Variants in PLCB1 observed in about 807,000 individuals in gnomAD.
PLCB1 encodes the protein 1-phosphatidylinositol 4,5-bisphosphate phosphodiesterase beta-1.
A neutral mutation model predicts 161.8 loss-of-function variants in PLCB1; 46 were observed. The ratio of observed to expected loss-of-function variants is 0.28; its 90% CI spans 0.22 to 0.36. PLCB1 has a LOEUF of 0.36. PLCB1 is among the 10% of genes least tolerant of loss of function. The pLI, the probability that PLCB1 is intolerant of heterozygous loss-of-function variation, is 1.00. For missense variants in PLCB1, 1,016 were observed against 1,472.5 expected (o/e 0.69, Z 5.07); for synonymous variants, 517 against 503.7 (o/e 1.03, Z -0.35).
At chr20:8,348,985 T>C (rs893689541) in intron 2 of PLCB1, among the ~76,000 whole-genome samples, 3 of 152,144 alleles carry the variant, frequency 2.0e-5, no homozygotes, top group Non-Finnish European at 2.9e-5. Context: ...GGTATATGCA[T>C]ATATTTGTAT....
chr20:8,321,787 T>C (rs146698966), intron 2 of PLCB1, among the ~76,000 whole-genome samples: 44 of 152,268 alleles, frequency 2.9e-4, no homozygotes, highest in Non-Finnish European at 6.0e-4. Context: ...CTCCCCCGCA[T>C]TGGGTTCTGG....
intron 2 of PLCB1, among the ~76,000 whole-genome samples, chr20:8,211,612 A>G (rs1346730292): frequency 2.0e-5 from 3 of 152,152 alleles, no homozygotes; most frequent in Non-Finnish European, 4.4e-5. Context: ...AGGATGCAGA[A>G]TGATGGATAT....
At chr20:8,164,695 C>T (rs897468078) in intron 2 of PLCB1, among the ~76,000 whole-genome samples, 1 of 152,168 alleles carries the variant, frequency 6.6e-6, no homozygotes, top group African/African-American at 2.4e-5. Context: ...AATATCTGGA[C>T]TCACTTTTGT....
At chr20:8,876,939 A>C (rs946790945) in intron 31 of PLCB1, among the ~76,000 whole-genome samples, 1 of 152,146 alleles carries the variant, frequency 6.6e-6, no homozygotes, top group Non-Finnish European at 1.5e-5. Context: ...AGACAGAACC[A>C]AATAACAAGG....
intron 2 of PLCB1, among the ~76,000 whole-genome samples, chr20:8,257,309 T>C (rs1981477767): frequency 6.6e-6 from 1 of 152,114 alleles, no homozygotes; most frequent in Non-Finnish European, 1.5e-5. Context: ...CTGTTTCTTA[T>C]TGAACAAATT....
chr20:8,315,428 A>G (rs115747741), intron 2 of PLCB1, among the ~76,000 whole-genome samples: 2,855 of 152,288 alleles, frequency 0.019, 98 homozygotes, highest in African/African-American at 0.066. Flanking sequence ...TGTTAACCCT[A>G]GTTAAGCTGA....
chr20:8,217,216 C>T lies in PLCB1; in HGVS notation c.177+66845C>T, dbSNP rs998591687. On this transcript the variant is annotated intron_variant, in intron 2 of 31. Transcript: ENST00000338037. ...AGTGTGTTACAGTTCTGAGTAAAGACCCCATTAAATATGAAGATTCTAGGG... is the reference window on the plus strand; with the variant it reads ...AGTGTGTTACAGTTCTGAGTAAAGATCCCATTAAATATGAAGATTCTAGGG... 5.9e-5 allele frequency among the ~76,000 whole-genome samples: 9 copies of T among 152,188 alleles called. 1 individual carries two copies. The South Asian group carries it at 8.3e-4, about 14-fold the overall frequency.
At chr20:8,620,631 T>A (rs566330023) in intron 3 of PLCB1, among the ~76,000 whole-genome samples, 1 of 151,466 alleles carries the variant, frequency 6.6e-6, no homozygotes, top group Non-Finnish European at 1.5e-5. Context: ...TCCCAGCTAT[T>A]TGGGGGCTGA....
intron 31 of PLCB1, among the ~76,000 whole-genome samples, chr20:8,809,608 C>G (rs1292878048): frequency 6.6e-6 from 1 of 152,134 alleles, no homozygotes. Context: ...CAAACCTTAC[C>G]CTCTTTCATG....
At chr20:8,359,723 T>G (rs1457090514) in intron 2 of PLCB1, among the ~76,000 whole-genome samples, 1 of 152,188 alleles carries the variant, frequency 6.6e-6, no homozygotes, top group Non-Finnish European at 1.5e-5. Context: ...TGGCGTATTG[T>G]GACTGAGAAC....
chr20:8,644,725 T>A (rs80244564), intron 4 of PLCB1, among the ~76,000 whole-genome samples: 2 of 149,550 alleles, frequency 1.3e-5, no homozygotes, highest in Admixed American at 6.6e-5. Flanking sequence ...CCCCCCGCCC[T>A]GCCAGCCGCC....
intron 31 of PLCB1, among the ~76,000 whole-genome samples, chr20:8,861,834 CAATTT>C (rs916660272): frequency 4.0e-5 from 6 of 148,598 alleles, no homozygotes; most frequent in African/African-American, 1.0e-4. Context: ...CTGATGGAAA[CAATTT>C]AATTAACTTG....
intron 2 of PLCB1, among the ~76,000 whole-genome samples, chr20:8,161,040 G>C (rs73080222): frequency 0.057 from 8,627 of 151,962 alleles, 292 homozygotes; most frequent in South Asian, 0.12. Flanking sequence ...TTTTATCGTT[G>C]TTATCATTAT....
chr20:8,686,937 A>G (rs539747763), intron 10 of PLCB1, among the ~76,000 whole-genome samples: 11 of 152,314 alleles, frequency 7.2e-5, no homozygotes, highest in African/African-American at 2.4e-4. Flanking sequence ...GTTTCAGTGA[A>G]CAAAGGAAGA....
intron 2 of PLCB1, among the ~76,000 whole-genome samples, chr20:8,226,644 T>A (rs1979701037): frequency 2.0e-5 from 3 of 152,052 alleles, no homozygotes; most frequent in Admixed American, 6.6e-5. Context: ...TGTGAAATAG[T>A]CTAGTTGCCA....
At chr20:8,866,922 C>T (rs372651471) in intron 31 of PLCB1, among the ~76,000 whole-genome samples, 6 of 152,262 alleles carry the variant, frequency 3.9e-5, no homozygotes, top group African/African-American at 9.6e-5. Context: ...GAAGGAGGGA[C>T]TATGTAATTA....
At chr20:8,789,636 C>G in intron 30 of PLCB1, 61 bp downstream of exon 30, 1 of 1,183,150 alleles carries the variant, frequency 8.5e-7, no homozygotes, top group East Asian at 2.3e-5. Flanking sequence ...GGTGAGCTCG[C>G]TGTGAGCTTC....
chr20:8,556,741 C>A (rs1292243868), intron 3 of PLCB1, among the ~76,000 whole-genome samples: 1 of 150,504 alleles, frequency 6.6e-6, no homozygotes, highest in East Asian at 2.0e-4. Context: ...AAACCACTAG[C>A]TAACCACAAG....
chr20:8,630,277 G>T (rs1988546110), intron 4 of PLCB1, among the ~76,000 whole-genome samples: 1 of 151,836 alleles, frequency 6.6e-6, no homozygotes, highest in Non-Finnish European at 1.5e-5. Context: ...AGTAGAGACG[G>T]GGTTTCACCA....
Sources: gnomAD v4.1 joint callset for allele counts (sites outside exome capture counted in the v4.1 genomes callset) on GRCh38, gnomAD v4.1.1 for gene constraint, MANE v1.5 for transcripts, NCBI Gene and HGNC (gene_info 2026-07-23, HGNC 2026-07-21) for gene names.